The following KCNN3 variants were observed in gnomAD, a reference collection of about 807,000 sequenced individuals.
The protein encoded by KCNN3 is potassium calcium-activated channel subfamily N member 3.
Under a neutral mutation model 62.9 loss-of-function variants are expected in KCNN3, and 16 were observed. That is an observed-to-expected ratio of 0.25 (90% CI 0.17 to 0.39). The LOEUF is 0.39. Ranked by LOEUF, KCNN3 falls within the 10% of genes least tolerant of loss-of-function variation. The pLI is 1.00. For synonymous variants in KCNN3, 370 were observed against 389.2 expected, an observed-to-expected ratio of 0.95 and a Z score of 0.58; for missense variants, 599 against 949.4, an observed-to-expected ratio of 0.63 and a Z score of 4.85.
rs527704061 is a variant in KCNN3, at chr1:154,856,985, G to C, written c.933+12047C>G. Among the ~76,000 whole-genome samples the C allele has an allele frequency of 2.6e-5, 4 of 152,260 alleles. No homozygotes were observed. The East Asian group carries it at 7.7e-4, about 29-fold the overall frequency. ...GGGACACCAAGTCTCAGGCTTGTGGGTCAAACCCAAGCCACATGTGTGTGC... is the reference window on the plus strand; with the variant it reads ...GGGACACCAAGTCTCAGGCTTGTGGCTCAAACCCAAGCCACATGTGTGTGC... On this transcript the variant is annotated intron_variant, in intron 1 of 7. Coordinates refer to ENST00000271915, the MANE Select transcript of KCNN3 (RefSeq NM_002249.6).
intron 2 of KCNN3, among the ~76,000 whole-genome samples, chr1:154,812,248 G>T (rs890349204): frequency 6.6e-6 from 1 of 152,112 alleles, no homozygotes; most frequent in Admixed American, 6.5e-5. Flanking sequence ...CAGAGAAACA[G>T]AATATTCTTT....
intron 2 of KCNN3, among the ~76,000 whole-genome samples, chr1:154,786,613 C>T (rs770855077): frequency 2.0e-5 from 3 of 152,142 alleles, no homozygotes; most frequent in South Asian, 2.1e-4. Flanking sequence ...AACAAAAATG[C>T]CCATATATGT....
intron 1 of KCNN3, among the ~76,000 whole-genome samples, chr1:154,825,494 C>A (rs1377144535): frequency 6.6e-6 from 1 of 150,474 alleles, no homozygotes; most frequent in Non-Finnish European, 1.5e-5. Context: ...GTCTCCCCAG[C>A]AGCTGGGACT....
intron 3 of KCNN3, among the ~76,000 whole-genome samples, chr1:154,764,633 A>G (rs1364423485): frequency 1.3e-5 from 2 of 152,236 alleles, no homozygotes; most frequent in Non-Finnish European, 1.5e-5. Flanking sequence ...CGCATCTGGC[A>G]TGCTTTTACT....
Position 154,824,226 on chromosome 1 carries a change from A to G in KCNN3, c.934-2042T>C, listed in dbSNP as rs139161306. 3.0e-4 allele frequency among the ~76,000 whole-genome samples: 43 copies of G among 141,504 alleles called. No homozygotes were observed. The East Asian group carries it at 7.8e-3, about 26-fold the overall frequency. The allele number at this position is 141,504 out of a possible 152,430, so 92.8% of individuals were successfully genotyped here. A position where few individuals can be genotyped will look rare whatever the true frequency, so the allele number is the denominator to read the frequency against. On this transcript the variant is annotated intron_variant, in intron 1 of 7. Coordinates refer to ENST00000271915, the MANE Select transcript of KCNN3 (RefSeq NM_002249.6). ...TGGGAAAAGGTCTCCATTATTTGCT[A>G]TGCATAAGATGATCTACACATAAGC...
chr1:154,811,546 T>G (rs1201206999), intron 2 of KCNN3, among the ~76,000 whole-genome samples: 1 of 152,196 alleles, frequency 6.6e-6, no homozygotes, highest in Non-Finnish European at 1.5e-5. Flanking sequence ...CCCACCATCA[T>G]GCTAACAGGA....
chr1:154,814,462 C>A (rs1056786921), intron 2 of KCNN3, among the ~76,000 whole-genome samples: 4 of 152,084 alleles, frequency 2.6e-5, no homozygotes, highest in African/African-American at 4.8e-5. Flanking sequence ...AAGTAAGAGC[C>A]GCTGCTATAA....
chr1:154,706,662 G>A lies in KCNN3; in HGVS notation c.*1314C>T, dbSNP rs532410348. ...TTACCTTACCCACAAGGTTCCCTAA[G>A]GGTTCCCTTCATTCTCACAATATTT... On this transcript the variant is annotated 3_prime_UTR_variant, in exon 8 of 8. Coordinates refer to ENST00000271915, the MANE Select transcript of KCNN3 (RefSeq NM_002249.6). 45 of 152,268 alleles carry A rather than the reference G, an allele frequency of 3.0e-4. No individual in the cohort carries two copies. The highest frequency in any genetic ancestry group is 9.6e-4 in the African/African-American group (40 of 41,552). The allele number at this position is 152,268 out of a possible 1,614,324, so 9.4% of individuals were successfully genotyped here. A position where few individuals can be genotyped will look rare whatever the true frequency, so the allele number is the denominator to read the frequency against.
rs1557938544 is a variant in KCNN3 at position 154,714,568 on chromosome 1, GT to G, written c.1829+307del. Among the ~76,000 whole-genome samples, 8 of 67,500 alleles carry G rather than the reference GT, an allele frequency of 1.2e-4. 1 individual carries two copies. Among genetic ancestry groups the G allele is most frequent in the African/African-American group, 3.8e-4 (7 of 18,432 alleles). The allele number at this position is 67,500 out of a possible 152,430, so 44.3% of individuals were successfully genotyped here. On this transcript the variant is annotated intron_variant, in intron 6 of 7. Transcript: ENST00000271915. ...GGTGTGTGTGTGTGGTGTGTGTGTG[GT>G]GTGTGTGTGTGGTGTGTATGGTGTG...
chr1:154,729,096 C>T (rs935132674), intron 4 of KCNN3, among the ~76,000 whole-genome samples: 14 of 152,098 alleles, frequency 9.2e-5, no homozygotes, highest in Admixed American at 5.2e-4. Flanking sequence ...GACAAATCAC[C>T]GAGGGCCTGG....
At position 154,733,015 on chromosome 1, in the gene KCNN3, G is replaced by A; in HGVS notation, c.1578C>T (p.Leu526=). The stretch of plus-strand genomic sequence containing the variant: ...GGCGGGTACTCACCATGATGCCAGT[G>A]AGGAGACAGACACCTTTCCCACAGT... ...HTYCGKGVCL[L]TGIMGAGCTA... is the part of the protein sequence containing the mutation. The change falls in exon 4 of 8, where the codon CTC becomes CTT. Residue 526 remains leucine, a synonymous_variant. Coordinates refer to ENST00000271915, the MANE Select transcript of KCNN3 (RefSeq NM_002249.6). The A allele has an allele frequency of 6.2e-7, 1 of 1,614,116 alleles. No individual in the cohort carries two copies. The highest frequency in any genetic ancestry group is 8.5e-7 in the Non-Finnish European group (1 of 1,179,976).
intron 1 of KCNN3, among the ~76,000 whole-genome samples, chr1:154,855,699 A>G (rs1487984732): frequency 1.3e-5 from 2 of 152,244 alleles, no homozygotes; most frequent in Admixed American, 6.5e-5. Flanking sequence ...CCGTCGTTGC[A>G]ACGCATGACT....
intron 3 of KCNN3, among the ~76,000 whole-genome samples, chr1:154,744,233 A>G (rs1373237092): frequency 6.6e-6 from 1 of 152,166 alleles, no homozygotes; most frequent in African/African-American, 2.4e-5. Flanking sequence ...CAATGAATGA[A>G]TGAATGAATG....
chr1:154,865,492 T>C (rs1348630704), intron 1 of KCNN3, among the ~76,000 whole-genome samples: 2 of 152,134 alleles, frequency 1.3e-5, no homozygotes, highest in Non-Finnish European at 2.9e-5. Context: ...TTATCTGAGC[T>C]CACCCAGGAA....
intron 3 of KCNN3, among the ~76,000 whole-genome samples, chr1:154,736,816 T>A (rs1700720382): frequency 1.3e-5 from 2 of 152,068 alleles, no homozygotes; most frequent in African/African-American, 4.8e-5. Flanking sequence ...ATAAATTATG[T>A]TCTTGTGGGT....
chr1:154,760,562 A>G (rs937273948), intron 3 of KCNN3, among the ~76,000 whole-genome samples: 36 of 152,266 alleles, frequency 2.4e-4, no homozygotes, highest in African/African-American at 8.4e-4. Context: ...GAGTCCCTGC[A>G]GGTGGGGACA....
chr1:154,800,040 A>G (rs897364906), intron 2 of KCNN3, among the ~76,000 whole-genome samples: 2 of 152,246 alleles, frequency 1.3e-5, no homozygotes, highest in Admixed American at 6.5e-5. Context: ...TGACGTATGC[A>G]TGGGAAACAG....
chr1:154,716,083 T>C (rs1004433311), intron 5 of KCNN3, among the ~76,000 whole-genome samples: 2 of 152,246 alleles, frequency 1.3e-5, no homozygotes, highest in African/African-American at 4.8e-5. Flanking sequence ...GCTCCTTCAC[T>C]GTGCACTGCA....
chr1:154,868,941 T>A, intron 1 of KCNN3, 91 bp downstream of exon 1: 1 of 414,858 alleles, frequency 2.4e-6, no homozygotes, highest in Non-Finnish European at 3.2e-6. Context: ...TCTCTCAATC[T>A]CTCTCTCTCA....
Sources: allele counts gnomAD v4.1 joint callset (sites outside exome capture counted in the v4.1 genomes callset), GRCh38; gene constraint gnomAD v4.1.1; transcripts MANE v1.5; gene names NCBI Gene and HGNC (gene_info 2026-07-23, HGNC 2026-07-21).